CTNNA3: variants seen among roughly 807,000 people sequenced by gnomAD.
CTNNA3 encodes the protein catenin alpha 3.
CTNNA3 carries 76 observed loss-of-function variants against 95.7 expected under a neutral mutation model. The observed-to-expected ratio is 0.79, with a 90% confidence interval of 0.66 to 0.96. The LOEUF (loss-of-function observed/expected upper bound fraction) is 0.96. Ranked by LOEUF, CTNNA3 falls within the 40% of genes least tolerant of loss-of-function variation. CTNNA3 has a pLI of 0.00. For synonymous variants in CTNNA3, 431 were observed against 374.4 expected, an observed-to-expected ratio of 1.15 and a Z score of -1.74; for missense variants, 1,191 against 1,089.8, an observed-to-expected ratio of 1.09 and a Z score of -1.31.
chr10:66,842,106 C>CT (rs1441461266), intron 7 of CTNNA3, among the ~76,000 whole-genome samples: 1 of 151,662 alleles, frequency 6.6e-6, no homozygotes, highest in Non-Finnish European at 1.5e-5. Flanking sequence ...ATTCGTTTTT[C>CT]TTTTTTTCTT....
intron 7 of CTNNA3, among the ~76,000 whole-genome samples, chr10:66,908,289 C>T (rs537296346): frequency 6.6e-6 from 1 of 152,290 alleles, no homozygotes; most frequent in South Asian, 2.1e-4. Flanking sequence ...CTACCTCAAG[C>T]CTCTGGGATG....
chr10:65,929,674 T>C (rs1188242249), intron 17 of CTNNA3, among the ~76,000 whole-genome samples: 1 of 151,702 alleles, frequency 6.6e-6, no homozygotes, highest in Non-Finnish European at 1.5e-5. Flanking sequence ...GTTCACGCCA[T>C]TCTCCTGTCT....
chr10:67,629,879 CT>C (rs1211664834), intron 2 of CTNNA3, among the ~76,000 whole-genome samples: 2 of 152,190 alleles, frequency 1.3e-5, no homozygotes, highest in African/African-American at 4.8e-5. Context: ...AACTCTTCCC[CT>C]TGTTTCTACT....
At position 67,440,649 on chromosome 10, in the gene CTNNA3, T is replaced by C. The variant is rs545995804; in HGVS notation, c.579+81193A>G. Among the ~76,000 whole-genome samples the C allele has an allele frequency of 5.3e-5, 8 of 152,028 alleles. No homozygotes were observed. The South Asian group carries it at 1.7e-3, about 32-fold the overall frequency. On this transcript the variant is annotated intron_variant, in intron 5 of 17. Transcript: ENST00000433211. Reference sequence around the variant, plus strand: ...GCTCAGCACAGAGAGAGAAGGTCCATTTGTTTGAGAGAAAGTAAGAGAAGA... The same window carrying C: ...GCTCAGCACAGAGAGAGAAGGTCCACTTGTTTGAGAGAAAGTAAGAGAAGA...
chr10:66,649,997 C>T (rs1845839442), intron 9 of CTNNA3, among the ~76,000 whole-genome samples: 2 of 152,312 alleles, frequency 1.3e-5, no homozygotes, highest in South Asian at 4.1e-4. Context: ...CACTCCTGGT[C>T]TCAATAGCAG....
chr10:66,611,138 G>A (rs1412493538), intron 10 of CTNNA3, among the ~76,000 whole-genome samples: 1 of 152,084 alleles, frequency 6.6e-6, no homozygotes, highest in Non-Finnish European at 1.5e-5. Flanking sequence ...GCCGGAAAGA[G>A]AATAAGGGGC....
At chr10:67,062,649 G>T (rs562180976) in intron 7 of CTNNA3, among the ~76,000 whole-genome samples, 2 of 152,182 alleles carry the variant, frequency 1.3e-5, no homozygotes, top group South Asian at 4.2e-4. Context: ...CTTTGCAAAT[G>T]TTCTGAATTG....
chr10:66,700,115 A>T (rs12263747), intron 9 of CTNNA3, among the ~76,000 whole-genome samples: 26,928 of 151,902 alleles, frequency 0.18, 3,011 homozygotes, highest in East Asian at 0.34. Flanking sequence ...TATTCTGATG[A>T]TTGTTTTGTT....
chr10:66,451,395 A>T (rs2131824519), intron 11 of CTNNA3, among the ~76,000 whole-genome samples: 1 of 152,248 alleles, frequency 6.6e-6, no homozygotes, highest in South Asian at 2.1e-4. Context: ...AGATTGAGAC[A>T]GACAAATGAA....
At chr10:67,754,304 C>T (rs1443227422) in intron 1 of CTNNA3, among the ~76,000 whole-genome samples, 1 of 151,724 alleles carries the variant, frequency 6.6e-6, no homozygotes, top group East Asian at 1.9e-4. Context: ...TAGAGCCTAT[C>T]GGGGGGGCGT....
intron 7 of CTNNA3, among the ~76,000 whole-genome samples, chr10:67,144,559 A>G (rs1860751429): frequency 6.6e-6 from 1 of 152,228 alleles, no homozygotes; most frequent in East Asian, 1.9e-4. Context: ...TTACATCAGT[A>G]CTTGCTGGTT....
chr10:67,133,176 T>C (rs1055207123), intron 7 of CTNNA3, among the ~76,000 whole-genome samples: 1 of 151,182 alleles, frequency 6.6e-6, no homozygotes, highest in South Asian at 2.1e-4. Flanking sequence ...AAAACTCATA[T>C]GTACTCCGTA....
chr10:66,499,592 T>C (rs947519176), intron 11 of CTNNA3, among the ~76,000 whole-genome samples: 2 of 152,168 alleles, frequency 1.3e-5, no homozygotes, highest in Admixed American at 6.5e-5. Context: ...TAGAGAACAA[T>C]AGGCTGACCA....
chr10:66,628,326 ACTCCT>A (rs1467205474), intron 9 of CTNNA3, among the ~76,000 whole-genome samples: 1 of 151,786 alleles, frequency 6.6e-6, no homozygotes, highest in African/African-American at 2.4e-5. Flanking sequence ...CCTTTCTTCC[ACTCCT>A]TCCTAATAAA....
At position 66,043,583 on chromosome 10, in the gene CTNNA3, A is replaced by G. The variant is rs371251260; in HGVS notation, c.2159+25725T>C. ...AGTCCCCACTGACCTCTTACAGTGTATGATTATACGAAGAGAAAAAATGGA... is the reference window on the plus strand; with the variant it reads ...AGTCCCCACTGACCTCTTACAGTGTGTGATTATACGAAGAGAAAAAATGGA... On this transcript the variant is annotated intron_variant, in intron 15 of 17. Coordinates refer to ENST00000433211, the MANE Select transcript of CTNNA3 (RefSeq NM_013266.4). Among the ~76,000 whole-genome samples, 7 of 152,318 alleles carry G rather than the reference A, an allele frequency of 4.6e-5. No homozygotes were observed. The East Asian group carries it at 7.7e-4, about 17-fold the overall frequency.
At chr10:66,250,201 A>C (rs2132066684) in intron 13 of CTNNA3, among the ~76,000 whole-genome samples, 1 of 152,286 alleles carries the variant, frequency 6.6e-6, no homozygotes, top group South Asian at 2.1e-4. Context: ...TCACTTATTT[A>C]TGAGAGCTAA....
intron 12 of CTNNA3, among the ~76,000 whole-genome samples, chr10:66,349,309 A>T (rs927602082): frequency 6.6e-5 from 10 of 152,022 alleles, no homozygotes; most frequent in South Asian, 2.1e-4. Flanking sequence ...AAAAGCCTCA[A>T]ATGAATCCAC....
chr10:66,717,241 A>C (rs1165337202), intron 9 of CTNNA3, among the ~76,000 whole-genome samples: 4 of 152,092 alleles, frequency 2.6e-5, no homozygotes, highest in Non-Finnish European at 5.9e-5. Flanking sequence ...CATGTAAGCC[A>C]ATTCCTTTTG....
chr10:66,686,418 G>A (rs1287681288), intron 9 of CTNNA3, among the ~76,000 whole-genome samples: 1 of 152,162 alleles, frequency 6.6e-6, no homozygotes, highest in Non-Finnish European at 1.5e-5. Context: ...AGCTGTGATT[G>A]CACTACTGCA....
Sources: allele counts gnomAD v4.1 joint callset (sites outside exome capture counted in the v4.1 genomes callset), GRCh38; gene constraint gnomAD v4.1.1; transcripts MANE v1.5; gene names NCBI Gene and HGNC (gene_info 2026-07-23, HGNC 2026-07-21).